BLTP1: variants seen among roughly 807,000 people sequenced by gnomAD.
BLTP1 encodes the protein fragile site-associated protein.
the BLTP1 span, among the ~76,000 whole-genome samples, chr4:122,193,253 T>C: frequency 6.6e-6 from 1 of 152,212 alleles, no homozygotes; most frequent in Non-Finnish European, 1.5e-5. Flanking sequence ...CTTCAATGTA[T>C]GAATTTTTAG....
At chr4:122,174,327 A>C in the BLTP1 span, 7 of 984,892 alleles carry the variant, frequency 7.1e-6, no homozygotes, top group Non-Finnish European at 8.4e-6. Context: ...CATACAAAGC[A>C]GTTACTTAAA....
At chr4:122,177,074 G>C in the BLTP1 span, among the ~76,000 whole-genome samples, 1 of 152,122 alleles carries the variant, frequency 6.6e-6, no homozygotes, top group Non-Finnish European at 1.5e-5. Flanking sequence ...CAAATATCTA[G>C]CAGCCTACTC....
At chr4:122,304,835 C>G in the BLTP1 span, 5 of 1,613,874 alleles carry the variant, frequency 3.1e-6, no homozygotes, top group Non-Finnish European at 4.2e-6. Flanking sequence ...TCAATGAGAG[C>G]TGTAAGATTT....
At chr4:122,160,870 C>G in the BLTP1 span, among the ~76,000 whole-genome samples, 1 of 151,616 alleles carries the variant, frequency 6.6e-6, no homozygotes, top group South Asian at 2.1e-4. Context: ...AATTGGTAAC[C>G]CTACACAAAT....
At chr4:122,355,800 A>G in the BLTP1 span, 1 of 1,597,186 alleles carries the variant, frequency 6.3e-7, no homozygotes, top group South Asian at 1.1e-5. Context: ...ATGTAGAGCT[A>G]AATCTGCTTC....
chr4:122,257,526 C>T, the BLTP1 span: 1 of 1,603,864 alleles, frequency 6.2e-7, no homozygotes. Flanking sequence ...TGAGTACTTT[C>T]TTACACCTCA....
the BLTP1 span, among the ~76,000 whole-genome samples, chr4:122,311,951 T>G: frequency 6.6e-6 from 1 of 152,326 alleles, no homozygotes; most frequent in South Asian, 2.1e-4. Flanking sequence ...AGGATTCAGA[T>G]CTACATCTAA....
chr4:122,361,414 G>C, the BLTP1 span, among the ~76,000 whole-genome samples: 1 of 152,142 alleles, frequency 6.6e-6, no homozygotes, highest in Non-Finnish European at 1.5e-5. Flanking sequence ...ATACTCTGGG[G>C]CTAACCTGTT....
chr4:122,156,925 G>A, the BLTP1 span, among the ~76,000 whole-genome samples: 2 of 152,154 alleles, frequency 1.3e-5, no homozygotes, highest in Admixed American at 6.5e-5. Context: ...TAAATTTGTA[G>A]GAGGCAGGAT....
chr4:122,262,074 G>GA, the BLTP1 span: 2 of 878,508 alleles, frequency 2.3e-6, no homozygotes, highest in Non-Finnish European at 2.7e-6. Context: ...GCTGAAGATA[G>GA]ATAGCTTTTC....
the BLTP1 span, chr4:122,313,733 T>C: frequency 1.8e-6 from 2 of 1,111,814 alleles, no homozygotes; most frequent in South Asian, 3.1e-5. Context: ...GAATTCTGCC[T>C]TTATTTTAAT....
chr4:122,229,008 T>A, the BLTP1 span: 1 of 899,562 alleles, frequency 1.1e-6, no homozygotes, highest in Non-Finnish European at 1.6e-6. Flanking sequence ...GACTGATTTT[T>A]AAAAAATACA....
the BLTP1 span, chr4:122,186,060 A>C: frequency 6.2e-7 from 1 of 1,600,840 alleles, no homozygotes; most frequent in East Asian, 2.3e-5. Context: ...ACCAGGTTAT[A>C]CATCACAGTC....
the BLTP1 span, chr4:122,286,678 A>G: frequency 1.2e-6 from 2 of 1,613,966 alleles, no homozygotes; most frequent in Non-Finnish European, 8.5e-7. Flanking sequence ...AGGGAAATAT[A>G]TAATGGAAGA....
At chr4:122,189,889 G>C in the BLTP1 span, 1 of 1,463,986 alleles carries the variant, frequency 6.8e-7, no homozygotes, top group Non-Finnish European at 9.0e-7. Flanking sequence ...TTATGTGCTT[G>C]TTAGTTTTTT....
the BLTP1 span, chr4:122,269,580 C>T: frequency 1.0e-6 from 1 of 985,272 alleles, no homozygotes; most frequent in Non-Finnish European, 1.2e-6. Flanking sequence ...GAGACCTTCA[C>T]CGCAATATAC....
the BLTP1 span, chr4:122,249,750 G>C: frequency 6.3e-7 from 1 of 1,575,122 alleles, no homozygotes. Context: ...GAAATGTTTT[G>C]AACAATCATG....
chr4:122,279,709 T>A, the BLTP1 span: 1 of 1,511,946 alleles, frequency 6.6e-7, no homozygotes, highest in Non-Finnish European at 8.9e-7. Context: ...CTCTCAATAT[T>A]TTTTCAAAAT....
chr4:122,244,991 A>G, the BLTP1 span: 11 of 1,601,770 alleles, frequency 6.9e-6, no homozygotes, highest in East Asian at 2.5e-4. Context: ...CGACATTTAA[A>G]TATTTCATTT....
Sources: allele counts gnomAD v4.1 joint callset (sites outside exome capture counted in the v4.1 genomes callset), GRCh38; gene constraint gnomAD v4.1.1; transcripts MANE v1.5; gene names NCBI Gene and HGNC (gene_info 2026-07-23, HGNC 2026-07-21).